COL19A1: variants seen among roughly 807,000 people sequenced by gnomAD.
COL19A1 encodes the protein collagen type XIX alpha 1 chain.
COL19A1 carries 159 observed loss-of-function variants against 190.2 expected under a neutral mutation model. The observed-to-expected ratio is 0.84, with a 90% CI of 0.73 to 0.95. The LOEUF (loss-of-function observed/expected upper bound fraction) is 0.95, where lower values mean the gene tolerates loss of function less well. Among genes scored for constraint, COL19A1 ranks in the 40% least tolerant of loss-of-function variants. COL19A1 has a pLI of 0.00. For missense variants in COL19A1, 1,418 were observed against 1,431.9 expected (o/e 0.99, Z 0.16); for synonymous variants, 509 against 458.9 (o/e 1.11, Z -1.39).
In COL19A1 at chr6:70,062,393, A is replaced by T. The variant is rs377319043; in HGVS notation, c.1171-6030A>T. 7.2e-5 allele frequency among the ~76,000 whole-genome samples: 11 copies of T among 152,088 alleles called. No homozygotes were observed. In the East Asian group the frequency reaches 1.9e-3, roughly 27 times the overall value. On this transcript the variant is annotated intron_variant, in intron 14 of 50. Coordinates refer to ENST00000620364, the MANE Select transcript of COL19A1 (RefSeq NM_001858.6). Reference sequence around the variant, plus strand: ...ATTAAGCATGTATGACATTCATGAAAATTTAGTAATAAAATAATTTACAGA... The same window carrying T: ...ATTAAGCATGTATGACATTCATGAATATTTAGTAATAAAATAATTTACAGA...
At chr6:70,061,207 G>A (rs9454954) in intron 14 of COL19A1, among the ~76,000 whole-genome samples, 3 of 152,136 alleles carry the variant, frequency 2.0e-5, no homozygotes, top group African/African-American at 4.8e-5. Flanking sequence ...ATTGATCTGT[G>A]TTTTACTAAT....
intron 16 of COL19A1, among the ~76,000 whole-genome samples, chr6:70,115,951 C>G (rs547436314): frequency 1.5e-4 from 22 of 149,134 alleles, no homozygotes; most frequent in Non-Finnish European, 3.1e-4. Flanking sequence ...TGTAATTAAA[C>G]CCCAAGAGAC....
chr6:70,017,074 T>C (rs1778153966), intron 11 of COL19A1, among the ~76,000 whole-genome samples: 1 of 152,134 alleles, frequency 6.6e-6, no homozygotes, highest in Non-Finnish European at 1.5e-5. Context: ...ATGGCAGCAT[T>C]ATTTAGAATA....
intron 12 of COL19A1, among the ~76,000 whole-genome samples, chr6:70,030,098 G>A (rs1258847584): frequency 1.3e-5 from 2 of 152,058 alleles, no homozygotes; most frequent in Non-Finnish European, 2.9e-5. Flanking sequence ...GCATCTGTGG[G>A]AAATGCTTTT....
chr6:70,153,364 T>G (rs763796429), intron 31 of COL19A1, among the ~76,000 whole-genome samples: 1 of 152,176 alleles, frequency 6.6e-6, no homozygotes, highest in Admixed American at 6.5e-5. Flanking sequence ...AAAGGCCTTC[T>G]TCTAGATTAA....
At chr6:70,198,725 T>A (rs573075260) in intron 48 of COL19A1, among the ~76,000 whole-genome samples, 17 of 152,346 alleles carry the variant, frequency 1.1e-4, no homozygotes, top group Middle Eastern at 6.8e-3. Flanking sequence ...CCTCCAAACT[T>A]TAGTGGCTTA....
chr6:70,104,699 A>C (rs1353795326), intron 16 of COL19A1, among the ~76,000 whole-genome samples: 1 of 152,234 alleles, frequency 6.6e-6, no homozygotes, highest in Non-Finnish European at 1.5e-5. Flanking sequence ...TAATTGTTTC[A>C]TGCTTTAAAG....
chr6:70,030,445 G>T (rs553902557), intron 12 of COL19A1, among the ~76,000 whole-genome samples: 3 of 152,206 alleles, frequency 2.0e-5, no homozygotes, highest in South Asian at 4.1e-4. Flanking sequence ...TCCCTGTGTG[G>T]TTCACTATAT....
At position 70,160,689 on chromosome 6, in the gene COL19A1, T is replaced by A. The variant is rs150796974; in HGVS notation, c.2293-1211T>A. 2.3e-3 allele frequency among the ~76,000 whole-genome samples: 346 copies of A among 152,290 alleles called. 2 individuals carry two copies. The highest frequency in any genetic ancestry group is 8.0e-3 in the African/African-American group (332 of 41,578). ...GATATAATATTCAGTATGTATATCA[T>A]GTTACCTGTGAAATGAAGTGATAAT... is the stretch of plus-strand genomic sequence containing the variant. On this transcript the variant is annotated intron_variant, in intron 34 of 50. Coordinates refer to ENST00000620364, the MANE Select transcript of COL19A1 (RefSeq NM_001858.6).
intron 2 of COL19A1, among the ~76,000 whole-genome samples, chr6:69,883,965 AG>A (rs1329496440): frequency 6.6e-6 from 1 of 150,394 alleles, no homozygotes; most frequent in African/African-American, 2.5e-5. Context: ...ATAAAAAAAA[AG>A]TGTAAAAGAG....
At chr6:70,037,816 G>A (rs1364842068) in intron 14 of COL19A1, among the ~76,000 whole-genome samples, 1 of 152,150 alleles carries the variant, frequency 6.6e-6, no homozygotes, top group Non-Finnish European at 1.5e-5. Flanking sequence ...GGAACACCTT[G>A]AAGATACCTC....
chr6:70,191,638 A>G (rs1322343435), intron 48 of COL19A1, among the ~76,000 whole-genome samples: 1 of 152,144 alleles, frequency 6.6e-6, no homozygotes, highest in African/African-American at 2.4e-5. Flanking sequence ...CTCACCCTAC[A>G]TTTCTTTGTC....
rs562592683 is a variant in COL19A1 at position 70,023,544 on chromosome 6, T to C, written c.1027-83T>C. 9.8e-6 allele frequency: 11 copies of C among 1,127,772 alleles called. No homozygotes were observed. The East Asian group carries it at 2.0e-4, about 20-fold the overall frequency. The allele number at this position is 1,127,772 out of a possible 1,614,324, so 69.9% of individuals were successfully genotyped here. A position where few individuals can be genotyped will look rare whatever the true frequency, so the allele number is the denominator to read the frequency against. ...AGCAAAGTAATCATATTGTTATAAA[T>C]ACCCAACCAACATAACTTTATTTTT... On this transcript the variant is annotated intron_variant, in intron 11 of 50. Coordinates refer to ENST00000620364, the MANE Select transcript of COL19A1 (RefSeq NM_001858.6).
chr6:70,000,530 G>A (rs1051847430), intron 11 of COL19A1, among the ~76,000 whole-genome samples: 2 of 152,118 alleles, frequency 1.3e-5, no homozygotes, highest in Admixed American at 6.5e-5. Context: ...ACCAGCATCT[G>A]ATGTTTCTTG....
chr6:70,027,691 A>C (rs193199620), intron 12 of COL19A1, among the ~76,000 whole-genome samples: 10 of 149,960 alleles, frequency 6.7e-5, no homozygotes, highest in Admixed American at 5.9e-4. Flanking sequence ...ACATATATTA[A>C]AATTTTCAAA....
intron 14 of COL19A1, among the ~76,000 whole-genome samples, chr6:70,067,701 G>A (rs554003628): frequency 6.6e-6 from 1 of 152,194 alleles, no homozygotes; most frequent in South Asian, 2.1e-4. Flanking sequence ...GCATTTAATG[G>A]TTGATTAGGG....
In COL19A1 at chr6:70,168,236, T is replaced by C. The variant is rs373519599; in HGVS notation, c.2541+21T>C. On this transcript the variant is annotated intron_variant, in intron 39 of 50. Coordinates refer to ENST00000620364, the MANE Select transcript of COL19A1 (RefSeq NM_001858.6). ...CTCCTGTAAGTACAGTTGTTTATCA[T>C]CAAACACACTTTAGCTGAACAACCA... is the stretch of plus-strand genomic sequence containing the variant. 2.9e-5 allele frequency: 47 copies of C among 1,610,840 alleles called. No individual in the cohort carries two copies. In the South Asian group the frequency reaches 4.8e-4, roughly 16 times the overall value.
chr6:70,031,888 AG>A (rs1779094351), intron 12 of COL19A1, among the ~76,000 whole-genome samples: 1 of 152,158 alleles, frequency 6.6e-6, no homozygotes, highest in African/African-American at 2.4e-5. Flanking sequence ...TTATTACATG[AG>A]TTCCTTGAGG....
chr6:69,897,335 T>C (rs1386106875), intron 2 of COL19A1, among the ~76,000 whole-genome samples: 1 of 152,158 alleles, frequency 6.6e-6, no homozygotes, highest in Non-Finnish European at 1.5e-5. Flanking sequence ...AACCCCACAG[T>C]ATAAAAAAAT....
Sources: gnomAD v4.1 joint callset for allele counts (sites outside exome capture counted in the v4.1 genomes callset) on GRCh38, gnomAD v4.1.1 for gene constraint, MANE v1.5 for transcripts, NCBI Gene and HGNC (gene_info 2026-07-23, HGNC 2026-07-21) for gene names.